The following ELP1 variants were observed in gnomAD, a reference collection of about 807,000 sequenced individuals.
The protein encoded by ELP1 is elongator complex protein 1.
Under a neutral mutation model 183.2 loss-of-function variants are expected in ELP1, and 131 were observed. That is an observed-to-expected ratio of 0.72 (90% CI 0.62 to 0.83). The LOEUF is 0.83. ELP1 is among the 40% of genes least tolerant of loss of function. ELP1 has a pLI of 0.00. For missense variants in ELP1, 1,550 were observed against 1,594.9 expected (o/e 0.97, Z 0.48); for synonymous variants, 555 against 569.0 (o/e 0.98, Z 0.35).
chr9:108,911,025 A>C lies in ELP1; in HGVS notation c.1345T>G (p.Ser449Ala). Residue 449 changes from serine (S) to alanine (A), a missense_variant, in exon 12 of 37, where the codon TCT becomes GCT. By Grantham distance (99) the Ser-to-Ala change is moderately conservative. Coordinates refer to ENST00000374647, the MANE Select transcript of ELP1 (RefSeq NM_003640.5). ...TATAACATACCACATTTATAAACAGAAATCTGGTTACTGGCATCTAGAACA... is the reference window on the plus strand; with the variant it reads ...TATAACATACCACATTTATAAACAGCAATCTGGTTACTGGCATCTAGAACA... ...LAVLDASNQI[S>A]VYKCGDCPSA... The C allele has an allele frequency of 6.2e-7, 1 of 1,614,110 alleles. No individual in the cohort carries two copies. The highest frequency in any genetic ancestry group is 8.5e-7 in the Non-Finnish European group (1 of 1,179,970).
chr9:108,914,422 G>GGGGC lies in ELP1; in HGVS notation c.958+1781_958+1782insGCCC, dbSNP rs1554700058. ...CCAAAAAAAAAAAAAAAGGGGGGGG[G>GGGGC]GGTTCTACTGATTAAAGAGTTTGAA... On this transcript the variant is annotated intron_variant, in intron 10 of 36. Coordinates refer to ENST00000374647, the MANE Select transcript of ELP1 (RefSeq NM_003640.5). 8.0e-5 allele frequency among the ~76,000 whole-genome samples: 11 copies of GGGGC among 137,058 alleles called. 1 individual carries two copies. Among genetic ancestry groups the GGGGC allele is most frequent in the East Asian group, 4.8e-4 (2 of 4,180 alleles). The allele number at this position is 137,058 out of a possible 152,430, so 89.9% of individuals were successfully genotyped here. A position where few individuals can be genotyped will look rare whatever the true frequency, so the allele number is the denominator to read the frequency against.
intron 8 of ELP1, 141 bp downstream of exon 8, chr9:108,918,670 G>T: frequency 6.0e-6 from 4 of 668,440 alleles, no homozygotes; most frequent in Non-Finnish European, 1.1e-5. Context: ...AAGAAACAAA[G>T]ATAGATACAG....
intron 10 of ELP1, among the ~76,000 whole-genome samples, chr9:108,914,346 C>T (rs148161226): frequency 0.024 from 3,183 of 135,276 alleles, 43 homozygotes; most frequent in South Asian, 0.027. Context: ...TTGCAGTGAC[C>T]GAGATCGGGC....
At chr9:108,886,454 G>A (rs1405960159) in intron 29 of ELP1, among the ~76,000 whole-genome samples, 2 of 152,068 alleles carry the variant, frequency 1.3e-5, no homozygotes, top group African/African-American at 4.8e-5. Context: ...TCTGCCACAA[G>A]AGAAAAAGGG....
rs772153288 is a variant in ELP1 at position 108,878,716 on chromosome 9, T to C, written c.3607A>G (p.Lys1203Glu). 2 of 1,614,194 alleles carry C rather than the reference T, an allele frequency of 1.2e-6. No individual in the cohort carries two copies. Among genetic ancestry groups the C allele is most frequent in the South Asian group, 1.1e-5 (1 of 91,086 alleles). The part of the protein sequence containing the change: ...SSKNRRKAER[K>E]KHSLKEGSPL... ...CTGCCTTCTTTGAGGCTGTGCTTCT[T>C]CCGCTCCGCTTTTCGGCGATTCTTG... Residue 1203 changes from lysine (K) to glutamate (E), a missense_variant, in exon 34 of 37, where the codon AAG becomes GAG. Physicochemically the swap from Lys to Glu is moderately conservative, Grantham distance 56. Transcript: ENST00000374647.
chr9:108,896,744 A>G, intron 24 of ELP1, 100 bp from the exon 25 acceptor site: 2 of 1,195,522 alleles, frequency 1.7e-6, no homozygotes, highest in Non-Finnish European at 2.5e-6. Context: ...TTCTCAATAG[A>G]ACTGGACATC....
chr9:108,908,296 A>T lies in ELP1; in HGVS notation c.1460+9T>A, dbSNP rs760949924. 1.2e-6 allele frequency: 2 copies of T among 1,601,268 alleles called. No homozygotes were observed. The highest frequency in any genetic ancestry group is 2.2e-5 in the South Asian group (2 of 90,808). The stretch of plus-strand genomic sequence containing the variant: ...TGTTCCCAGAAGCCCAAGATAATTA[A>T]GAACCTACTTGTATCTCTTTTCCAA... On this transcript the variant is annotated intron_variant, in intron 13 of 36. Coordinates refer to ENST00000374647, the MANE Select transcript of ELP1 (RefSeq NM_003640.5).
chr9:108,892,632 TAAAAA>T (rs1188089855), intron 27 of ELP1, among the ~76,000 whole-genome samples: 1 of 152,026 alleles, frequency 6.6e-6, no homozygotes, highest in African/African-American at 2.4e-5. Context: ...GTGTGGTATA[TAAAAA>T]AAGCTAAAGG....
In ELP1 at chr9:108,933,933, C is replaced by T. The variant is rs1174201429; in HGVS notation, c.-125G>A. 1.3e-5 allele frequency: 2 copies of T among 157,476 alleles called. No individual in the cohort carries two copies. Among genetic ancestry groups the T allele is most frequent in the Admixed American group, 1.3e-4 (2 of 15,300 alleles). 9.8% of individuals were successfully genotyped at this position (157,476 alleles called of 1,614,324 possible). A position where few individuals can be genotyped will look rare whatever the true frequency, so the allele number is the denominator to read the frequency against. On this transcript the variant is annotated 5_prime_UTR_variant, in exon 1 of 37. Coordinates refer to ENST00000374647, the MANE Select transcript of ELP1 (RefSeq NM_003640.5). ...CCACGCGCAGCCGGCTACCCAGAGT[C>T]AGCTCCCACAGTCCGCACCCAGAGT...
At chr9:108,875,029 T>C in intron 35 of ELP1, 59 bp from the exon 36 acceptor site, 1 of 1,140,046 alleles carries the variant, frequency 8.8e-7, no homozygotes, top group Non-Finnish European at 1.3e-6. Flanking sequence ...AGACTGCCAA[T>C]ACCAAAGGCC....
chr9:108,874,232 T>C (rs964686146), intron 36 of ELP1, among the ~76,000 whole-genome samples: 2 of 152,270 alleles, frequency 1.3e-5, no homozygotes, highest in African/African-American at 4.8e-5. Context: ...AGATGCTTCA[T>C]TGATCCAACT....
rs369833542 is a variant in ELP1 at position 108,867,614 on chromosome 9, A to C, written c.*1501T>G. 6.6e-6 allele frequency: 1 copy of C among 152,248 alleles called. No individual in the cohort carries two copies. Among genetic ancestry groups the C allele is most frequent in the Non-Finnish European group, 1.5e-5 (1 of 68,042 alleles). The allele number at this position is 152,248 out of a possible 1,614,324, so 9.4% of individuals were successfully genotyped here. A position where few individuals can be genotyped will look rare whatever the true frequency, so the allele number is the denominator to read the frequency against. On this transcript the variant is annotated 3_prime_UTR_variant, in exon 37 of 37. Transcript: ENST00000374647. ...GCACTATATTTCAATATAAGTTACC[A>C]TGCTTATTTACCCATGCCAAAGAGT...
intron 10 of ELP1, among the ~76,000 whole-genome samples, chr9:108,913,978 T>G (rs1829330659): frequency 6.6e-6 from 1 of 152,204 alleles, no homozygotes; most frequent in Admixed American, 6.5e-5. Context: ...TTACGTATAA[T>G]CTCCATTCCA....
chr9:108,919,032 T>C (rs2132030869), intron 7 of ELP1, 131 bp from the exon 8 acceptor site: 2 of 819,958 alleles, frequency 2.4e-6, no homozygotes, highest in South Asian at 2.9e-5. Flanking sequence ...ATTAGATTAA[T>C]TTTGTTACAA....
At chr9:108,903,700 C>A in intron 14 of ELP1, 31 bp from the exon 15 acceptor site, 2 of 1,506,146 alleles carry the variant, frequency 1.3e-6, no homozygotes, top group Non-Finnish European at 1.8e-6. Flanking sequence ...GGAGTGTAAA[C>A]AGACCATTTT....
intron 14 of ELP1, 142 bp downstream of exon 14, chr9:108,906,161 A>G (rs568766864): frequency 1.3e-6 from 1 of 777,038 alleles, no homozygotes; most frequent in South Asian, 1.6e-5. Flanking sequence ...AACTAGACTT[A>G]ACCTTCTTGT....
intron 25 of ELP1, among the ~76,000 whole-genome samples, chr9:108,894,991 A>G (rs1828484178): frequency 6.6e-6 from 1 of 152,188 alleles, no homozygotes; most frequent in African/African-American, 2.4e-5. Flanking sequence ...TTAAGTGCTC[A>G]TTCCCAGCAC....
At chr9:108,918,173 A>G (rs1829517241) in intron 8 of ELP1, among the ~76,000 whole-genome samples, 1 of 152,178 alleles carries the variant, frequency 6.6e-6, no homozygotes, top group African/African-American at 2.4e-5. Flanking sequence ...GCTCTATCAT[A>G]TAATACCATT....
chr9:108,909,555 TTC>T (rs1213875585), intron 12 of ELP1, among the ~76,000 whole-genome samples: 1 of 152,198 alleles, frequency 6.6e-6, no homozygotes, highest in Non-Finnish European at 1.5e-5. Flanking sequence ...TTTTTCCAGA[TTC>T]TCTTATATCC....
Sources: allele counts gnomAD v4.1 joint callset (sites outside exome capture counted in the v4.1 genomes callset), GRCh38; gene constraint gnomAD v4.1.1; transcripts MANE v1.5; gene names NCBI Gene and HGNC (gene_info 2026-07-23, HGNC 2026-07-21).